WDR64: variants seen among roughly 807,000 people sequenced by gnomAD.
The protein encoded by WDR64 is WD repeat domain 64.
In WDR64, 112 loss-of-function variants were observed where a neutral mutation model predicts 139.3. The observed-to-expected ratio is 0.80, with a 90% CI of 0.69 to 0.94. The LOEUF is 0.94. WDR64 is among the 40% of genes least tolerant of loss of function. The pLI, the probability that WDR64 is intolerant of heterozygous loss-of-function variation, is 0.00. For missense variants in WDR64, 1,206 were observed against 1,293.1 expected (o/e 0.93, Z 1.03); for synonymous variants, 444 against 437.7 (o/e 1.01, Z -0.18).
At chr1:241,713,381 G>T (rs1477820772) in intron 9 of WDR64, among the ~76,000 whole-genome samples, 1 of 126,668 alleles carries the variant, frequency 7.9e-6, no homozygotes, top group Non-Finnish European at 1.7e-5. Context: ...GGAAGGGAAG[G>T]AAAGGAAGGA....
chr1:241,760,759 A>ATTTTTTTTTTTTTTTTTTTT (rs71174847), intron 15 of WDR64, among the ~76,000 whole-genome samples: 1 of 87,070 alleles, frequency 1.1e-5, no homozygotes, highest in African/African-American at 4.4e-5. Context: ...GTGGGTTTCC[A>ATTTTTTTTTTTTTTTTTTTT]TTTTTTTTTT....
intron 10 of WDR64, among the ~76,000 whole-genome samples, chr1:241,724,157 G>A (rs576053108): frequency 5.5e-4 from 83 of 152,118 alleles, no homozygotes; most frequent in African/African-American, 2.0e-3. Context: ...CACAAATTAA[G>A]GGACATACTA....
chr1:241,758,387 T>C (rs550837372), intron 15 of WDR64, among the ~76,000 whole-genome samples: 2 of 151,740 alleles, frequency 1.3e-5, no homozygotes, highest in Non-Finnish European at 2.9e-5. Flanking sequence ...AAAGTCACCA[T>C]ACTGCCTTTC....
chr1:241,769,543 G>T, intron 17 of WDR64, 38 bp downstream of exon 17: 1 of 1,512,076 alleles, frequency 6.6e-7, no homozygotes, highest in South Asian at 1.2e-5. Flanking sequence ...TACTGTCTGG[G>T]ACTTAGGTGG....
At chr1:241,698,255 A>T (rs1219619153) in intron 8 of WDR64, among the ~76,000 whole-genome samples, 1 of 152,016 alleles carries the variant, frequency 6.6e-6, no homozygotes, top group East Asian at 1.9e-4. Context: ...GAAACCTGTC[A>T]CCTCACATGA....
At chr1:241,747,822 G>A (rs1370785487) in intron 13 of WDR64, among the ~76,000 whole-genome samples, 2 of 152,186 alleles carry the variant, frequency 1.3e-5, no homozygotes, top group Non-Finnish European at 2.9e-5. Context: ...GCGGAAGGCA[G>A]GACACAATTA....
In WDR64 at chr1:241,796,379, G is replaced by A. The variant is rs747572011; in HGVS notation, c.3192+9G>A. 20 of 1,572,342 alleles carry A rather than the reference G, an allele frequency of 1.3e-5. No homozygotes were observed. Among genetic ancestry groups the A allele is most frequent in the Non-Finnish European group, 1.7e-5 (20 of 1,145,914 alleles). On this transcript the variant is annotated intron_variant, in intron 27 of 27. Coordinates refer to ENST00000437684, the MANE Select transcript of WDR64 (RefSeq NM_001367482.1). ...ATGTTCAACGTGAAAAAGTAAGTTA[G>A]TACTAATTCCACCGTTAACTCCAAT...
chr1:241,692,118 A>G (rs888315139), intron 8 of WDR64, among the ~76,000 whole-genome samples: 16 of 152,214 alleles, frequency 1.1e-4, no homozygotes, highest in Admixed American at 1.3e-4. Context: ...TGCAAGATCC[A>G]AATGAGGACA....
chr1:241,716,124 C>A (rs1397366925), intron 9 of WDR64, among the ~76,000 whole-genome samples: 1 of 152,088 alleles, frequency 6.6e-6, no homozygotes, highest in Non-Finnish European at 1.5e-5. Context: ...CAGGAGAGTA[C>A]TCTTGTTGAT....
At chr1:241,671,035 G>A in intron 2 of WDR64, 39 bp from the exon 3 acceptor site, 1 of 1,373,678 alleles carries the variant, frequency 7.3e-7, no homozygotes, top group Non-Finnish European at 1.0e-6. Context: ...CTAATTCTGA[G>A]GCATGCTGCA....
chr1:241,668,069 G>T (rs1459237224), intron 2 of WDR64, among the ~76,000 whole-genome samples: 1 of 152,170 alleles, frequency 6.6e-6, no homozygotes, highest in Non-Finnish European at 1.5e-5. Context: ...AAAATAGGAC[G>T]CAGGTTTACT....
At chr1:241,698,998 C>T (rs918905607) in intron 8 of WDR64, among the ~76,000 whole-genome samples, 1 of 152,086 alleles carries the variant, frequency 6.6e-6, no homozygotes, top group Non-Finnish European at 1.5e-5. Context: ...AATGAGAAAA[C>T]TGAGGGAAAA....
At chr1:241,683,379 A>G in intron 6 of WDR64, 108 bp from the exon 7 acceptor site, 1 of 1,005,696 alleles carries the variant, frequency 9.9e-7, no homozygotes, top group Non-Finnish European at 1.5e-6. Flanking sequence ...AGATAGGTGT[A>G]TCTACAATAA....
chr1:241,788,597 A>T (rs1659124455), intron 24 of WDR64, among the ~76,000 whole-genome samples: 1 of 152,214 alleles, frequency 6.6e-6, no homozygotes, highest in Non-Finnish European at 1.5e-5. Context: ...ATCAAAAGTA[A>T]AGTCCTTCAG....
In WDR64 at chr1:241,671,150, CT is replaced by C; in HGVS notation, c.354del (p.Arg119GlufsTer6). The C allele has an allele frequency of 6.5e-7, 1 of 1,550,382 alleles. No individual in the cohort carries two copies. The highest frequency in any genetic ancestry group is 1.2e-5 in the South Asian group (1 of 83,682). ...GAAGAAAATTTGGTTTTCTTTGTGTCTAGAAAAAGGCGAATTTTAATTTCAG... is the reference window on the plus strand; with the variant it reads ...GAAGAAAATTTGGTTTTCTTTGTGTCAGAAAAAGGCGAATTTTAATTTCAG... ...LDEENLVFFV[S>X]RKRRILISGS... On this transcript the variant is annotated frameshift_variant, in exon 3 of 28. Coordinates refer to ENST00000437684, the MANE Select transcript of WDR64 (RefSeq NM_001367482.1). LOFTEE classifies it high-confidence loss of function.
chr1:241,738,399 T>C lies in WDR64; in HGVS notation c.1231T>C (p.Leu411=). Residue 411 remains leucine, a synonymous_variant, in exon 11 of 28, where the codon TTA becomes CTA. Transcript: ENST00000437684. ...GTGGGATATACAAACTCTTTCACTATTACAAGTCTTCCATGACAGCCAGGG... is the reference window on the plus strand; with the variant it reads ...GTGGGATATACAAACTCTTTCACTACTACAAGTCTTCCATGACAGCCAGGG... ...RVWDIQTLSL[L]QVFHDSQGGP... The C allele has an allele frequency of 1.2e-6, 2 of 1,613,974 alleles. No homozygotes were observed. The highest frequency in any genetic ancestry group is 8.5e-7 in the Non-Finnish European group (1 of 1,179,892).
chr1:241,683,786 G>T (rs1002079270), intron 7 of WDR64, 85 bp downstream of exon 7: 1 of 1,121,364 alleles, frequency 8.9e-7, no homozygotes, highest in Non-Finnish European at 1.2e-6. Context: ...TGAAAAATGA[G>T]ATTTAAATTA....
intron 14 of WDR64, among the ~76,000 whole-genome samples, chr1:241,755,779 TG>T (rs1670165727): frequency 6.6e-6 from 1 of 152,350 alleles, no homozygotes; most frequent in East Asian, 1.9e-4. Flanking sequence ...TCTGCATATA[TG>T]GCTAGCCAGT....
At chr1:241,696,504 G>A (rs1667492398) in intron 8 of WDR64, among the ~76,000 whole-genome samples, 1 of 152,120 alleles carries the variant, frequency 6.6e-6, no homozygotes, top group African/African-American at 2.4e-5. Flanking sequence ...CTGAATACAC[G>A]TATAGTTACT....
Sources: gnomAD v4.1 joint callset for allele counts (sites outside exome capture counted in the v4.1 genomes callset) on GRCh38, gnomAD v4.1.1 for gene constraint, MANE v1.5 for transcripts, NCBI Gene and HGNC (gene_info 2026-07-23, HGNC 2026-07-21) for gene names.